BCHE: variants seen among roughly 807,000 people sequenced by gnomAD.
BCHE encodes the protein butyrylcholinesterase.
In BCHE, 48 loss-of-function variants were observed where a neutral mutation model predicts 51.3. That is an observed-to-expected ratio of 0.94 (90% confidence interval 0.74 to 1.19). The LOEUF is 1.19. Among genes scored for constraint, BCHE ranks in the 50% most tolerant of loss-of-function variants. The probability of loss-of-function intolerance (pLI) is 0.00; values close to 1 mark genes in which losing one functional copy is unlikely to be tolerated. For missense variants in BCHE, 847 were observed against 708.2 expected (o/e 1.20, Z -2.23); for synonymous variants, 251 against 238.0 (o/e 1.05, Z -0.50).
intron 2 of BCHE, among the ~76,000 whole-genome samples, chr3:165,810,556 G>A (rs1311481482): frequency 1.3e-5 from 2 of 152,136 alleles, no homozygotes; most frequent in African/African-American, 4.8e-5. Context: ...CTAGGATATT[G>A]TGCCAGCCAA....
intron 2 of BCHE, among the ~76,000 whole-genome samples, chr3:165,810,122 T>C (rs1714037879): frequency 1.3e-5 from 2 of 152,206 alleles, no homozygotes; most frequent in African/African-American, 4.8e-5. Context: ...AGTTGAGATT[T>C]ATTTTGTAGA....
rs755600722 is a variant in BCHE, at chr3:165,830,653, A to C, written c.381T>G (p.Ile127Met). 10 of 1,614,064 alleles carry C rather than the reference A, an allele frequency of 6.2e-6. No homozygotes were observed. Among genetic ancestry groups the C allele is most frequent in the Non-Finnish European group, 8.5e-6 (10 of 1,179,970 alleles). Residue 127 changes from isoleucine to methionine, a missense_variant, in exon 2 of 4, where the codon ATT becomes ATG. Ile to Met is a conservative substitution (Grantham distance 10, BLOSUM62 1). Transcript: ENST00000264381. Reference protein sequence around the residue: ...SEDCLYLNVWIPAPKPKNATV... With the variant: ...SEDCLYLNVWMPAPKPKNATV... The stretch of plus-strand genomic sequence containing the variant: ...TGGCATTTTTTGGTTTAGGTGCTGG[A>C]ATCCATACATTTAGATATAAACAGT...
intron 2 of BCHE, among the ~76,000 whole-genome samples, chr3:165,788,322 T>C (rs1713039280): frequency 6.6e-6 from 1 of 152,062 alleles, no homozygotes; most frequent in African/African-American, 2.4e-5. Context: ...AAACAGTTTC[T>C]TGATGTACTA....
At chr3:165,820,730 C>T (rs1714485339) in intron 2 of BCHE, among the ~76,000 whole-genome samples, 2 of 151,958 alleles carry the variant, frequency 1.3e-5, no homozygotes, top group African/African-American at 4.8e-5. Context: ...GGCCAGATGA[C>T]AGTCTCACAA....
intron 2 of BCHE, among the ~76,000 whole-genome samples, chr3:165,795,286 T>A (rs552771517): frequency 5.0e-4 from 76 of 152,294 alleles, no homozygotes; most frequent in Middle Eastern, 3.4e-3. Context: ...TATAGACGAC[T>A]TTCTCTTAAG....
intron 2 of BCHE, among the ~76,000 whole-genome samples, chr3:165,804,699 G>A (rs141288800): frequency 1.9e-3 from 287 of 152,260 alleles, no homozygotes; most frequent in African/African-American, 6.7e-3. Context: ...TTGAGTTTTG[G>A]GAAGACAGAA....
At chr3:165,783,007 C>A (rs1025024709) in intron 3 of BCHE, among the ~76,000 whole-genome samples, 1 of 151,938 alleles carries the variant, frequency 6.6e-6, no homozygotes, top group African/African-American at 2.4e-5. Flanking sequence ...ACATTCAGAC[C>A]CTAGCAGAAG....
At chr3:165,777,596 C>A (rs1459433090) in intron 3 of BCHE, 2 of 237,800 alleles carry the variant, frequency 8.4e-6, no homozygotes, top group Non-Finnish European at 1.8e-5. Context: ...TTCTCCAAAG[C>A]AAATCTCTGT....
intron 2 of BCHE, among the ~76,000 whole-genome samples, chr3:165,801,179 C>T (rs1713628716): frequency 6.6e-6 from 1 of 152,196 alleles, no homozygotes; most frequent in Non-Finnish European, 1.5e-5. Context: ...CTTCTAGACT[C>T]TTCTGAAATG....
At chr3:165,794,364 A>G (rs1432048035) in intron 2 of BCHE, among the ~76,000 whole-genome samples, 3 of 152,166 alleles carry the variant, frequency 2.0e-5, no homozygotes, top group African/African-American at 7.2e-5. Context: ...CATATACACA[A>G]GCTGTCATAG....
At chr3:165,797,331 C>CCCTCCCTCCCTCCTT (rs1713454386) in intron 2 of BCHE, among the ~76,000 whole-genome samples, 1 of 83,382 alleles carries the variant, frequency 1.2e-5, no homozygotes, top group African/African-American at 4.9e-5. Flanking sequence ...CTTCCTTCCT[C>CCCTCCCTCCCTCCTT]CCTCCCTCCC....
intron 3 of BCHE, among the ~76,000 whole-genome samples, chr3:165,781,948 T>C (rs1429188953): frequency 6.6e-6 from 1 of 152,132 alleles, no homozygotes; most frequent in Non-Finnish European, 1.5e-5. Context: ...TGATACAATA[T>C]GCATAAGTAA....
chr3:165,799,009 G>A (rs1713534544), intron 2 of BCHE, among the ~76,000 whole-genome samples: 2 of 152,256 alleles, frequency 1.3e-5, no homozygotes, highest in South Asian at 4.1e-4. Context: ...ATCTGTGGCT[G>A]TGGGTGACTA....
chr3:165,819,862 A>G (rs1714447394), intron 2 of BCHE, among the ~76,000 whole-genome samples: 1 of 152,270 alleles, frequency 6.6e-6, no homozygotes, highest in Admixed American at 6.5e-5. Flanking sequence ...TTAAGCTATT[A>G]TTTCTGACAG....
At chr3:165,835,993 T>C (rs1715174722) in intron 1 of BCHE, among the ~76,000 whole-genome samples, 1 of 151,936 alleles carries the variant, frequency 6.6e-6, no homozygotes, top group Non-Finnish European at 1.5e-5. Context: ...ATTATACTTA[T>C]CAAGAAATGA....
chr3:165,836,885 A>G (rs752312826), intron 1 of BCHE, among the ~76,000 whole-genome samples: 4 of 152,128 alleles, frequency 2.6e-5, no homozygotes, highest in Non-Finnish European at 5.9e-5. Flanking sequence ...AAGTAAGTTA[A>G]CTACTAACTT....
chr3:165,816,754 A>G (rs1714326379), intron 2 of BCHE, among the ~76,000 whole-genome samples: 1 of 151,852 alleles, frequency 6.6e-6, no homozygotes, highest in African/African-American at 2.4e-5. Context: ...TTGCCCTCCA[A>G]TTCATTTGGC....
At chr3:165,786,687 G>A (rs545112089) in intron 2 of BCHE, among the ~76,000 whole-genome samples, 2 of 151,568 alleles carry the variant, frequency 1.3e-5, no homozygotes, top group African/African-American at 4.8e-5. Flanking sequence ...TCACAATAAG[G>A]AATCATATCA....
intron 2 of BCHE, among the ~76,000 whole-genome samples, chr3:165,807,766 G>GC (rs1367051315): frequency 1.3e-5 from 2 of 151,598 alleles, no homozygotes; most frequent in Admixed American, 6.6e-5. Context: ...GTCTCACTAT[G>GC]TTGGCCAAGC....
Sources: allele counts gnomAD v4.1 joint callset (sites outside exome capture counted in the v4.1 genomes callset), GRCh38; gene constraint gnomAD v4.1.1; transcripts MANE v1.5; gene names NCBI Gene and HGNC (gene_info 2026-07-23, HGNC 2026-07-21).